The following PCDHA3 variants were observed in gnomAD, a reference collection of about 807,000 sequenced individuals.
The protein encoded by PCDHA3 is protocadherin alpha 3, also known as protocadherin alpha-3.
A neutral mutation model predicts 62.2 loss-of-function variants in PCDHA3; 41 were observed. That is an observed-to-expected ratio of 0.66 (90% CI 0.51 to 0.86). The LOEUF is 0.86. Among genes scored for constraint, PCDHA3 ranks in the 40% least tolerant of loss-of-function variants. The pLI, the probability that PCDHA3 is intolerant of heterozygous loss-of-function variation, is 0.00. For synonymous variants in PCDHA3, 640 were observed against 555.4 expected (o/e 1.15, Z -2.14); for missense variants, 1,304 against 1,241.2 (o/e 1.05, Z -0.76).
chr5:140,985,941 G>T (rs553776294), intron 3 of PCDHA3, among the ~76,000 whole-genome samples: 2 of 151,978 alleles, frequency 1.3e-5, no homozygotes, highest in South Asian at 4.1e-4. Flanking sequence ...GGGTTTCACT[G>T]TGTTAGCCAG....
intron 1 of PCDHA3, 127 bp from the exon 2 acceptor site, chr5:140,978,822 A>G: frequency 6.6e-7 from 1 of 1,521,216 alleles, no homozygotes; most frequent in Non-Finnish European, 8.8e-7. Context: ...GTTACACATG[A>G]AATGGCTCAT....
chr5:140,809,221 C>T, intron 1 of PCDHA3: 1 of 1,614,078 alleles, frequency 6.2e-7, no homozygotes. Context: ...CGCCAAAGGC[C>T]TCCTCACGGG....
At chr5:140,926,371 G>A (rs1220733947) in intron 1 of PCDHA3, 1 of 152,352 alleles carries the variant, frequency 6.6e-6, no homozygotes, top group East Asian at 1.9e-4. Flanking sequence ...GCGGCAGGAA[G>A]AGCCCAGCTG....
intron 1 of PCDHA3, chr5:140,834,783 C>G (rs2150226514): frequency 3.1e-6 from 5 of 1,613,810 alleles, no homozygotes; most frequent in Non-Finnish European, 4.2e-6. Flanking sequence ...TCCGGTGTTC[C>G]CAGCGACACA....
Position 140,978,928 on chromosome 5 carries a change from ACT to A in PCDHA3, c.2395-16_2395-15del. ...CATTGTCTTGTCATTTTAACAGAAA[ACT>A]CTCTTTGTGATTTTGCAGCCACGAC... On this transcript the variant is annotated intron_variant, in intron 1 of 3. Coordinates refer to ENST00000522353, the MANE Select transcript of PCDHA3 (RefSeq NM_018906.3). The A allele has an allele frequency of 6.2e-7, 1 of 1,613,190 alleles. No homozygotes were observed. Among genetic ancestry groups the A allele is most frequent in the Admixed American group, 1.7e-5 (1 of 59,890 alleles).
rs782004703 is a variant in PCDHA3, at chr5:140,807,238, ACTT to A, written c.2394+3653_2394+3655del. 71 of 1,614,010 alleles carry A rather than the reference ACTT, an allele frequency of 4.4e-5. No individual in the cohort carries two copies. In the East Asian group the frequency reaches 7.4e-4, roughly 17 times the overall value. On this transcript the variant is annotated intron_variant, in intron 1 of 3. Coordinates refer to ENST00000522353, the MANE Select transcript of PCDHA3 (RefSeq NM_018906.3). ...AGGAATCCCGGCGTCTGCTGCTCTT[ACTT>A]CTTCTCCTCGCAGCCTGGGAGGCAG... is the stretch of plus-strand genomic sequence containing the variant.
At position 140,802,905 on chromosome 5, in the gene PCDHA3, G is replaced by A. The variant is rs782648396; in HGVS notation, c.1708G>A (p.Val570Met). The change falls in exon 1 of 4, where the codon GTG (valine) becomes ATG (methionine). Residue 570 changes from valine (V) to methionine (M), a missense_variant. Val to Met is a conservative substitution (Grantham distance 21). Transcript: ENST00000522353. ...DNAPALLMPRVGGIGGAVSEL... is the reference protein window; with the variant it reads ...DNAPALLMPRMGGIGGAVSEL... ...CGCGCCGGCACTGCTGATGCCTCGG[G>A]TGGGTGGCATCGGTGGCGCAGTGAG... is the stretch of plus-strand genomic sequence containing the variant. 49 of 1,613,674 alleles carry A rather than the reference G, an allele frequency of 3.0e-5. No individual in the cohort carries two copies. Among genetic ancestry groups the A allele is most frequent in the Admixed American group, 5.0e-5 (3 of 59,992 alleles).
At position 140,832,567 on chromosome 5, in the gene PCDHA3, G is replaced by A. The variant is rs138843846; in HGVS notation, c.2394+28976G>A. 2.6e-5 allele frequency among the ~76,000 whole-genome samples: 4 copies of A among 152,302 alleles called. No individual in the cohort carries two copies. The East Asian group carries it at 7.7e-4, about 29-fold the overall frequency. On this transcript the variant is annotated intron_variant, in intron 1 of 3. Coordinates refer to ENST00000522353, the MANE Select transcript of PCDHA3 (RefSeq NM_018906.3). ...AATGATATCTAACAGCCTCAAAACAGCATACTTTCTTAGGAAGTAGAGAAC... is the reference window on the plus strand; with the variant it reads ...AATGATATCTAACAGCCTCAAAACAACATACTTTCTTAGGAAGTAGAGAAC...
At chr5:140,828,421 G>A (rs2150155146) in intron 1 of PCDHA3, 29 of 1,614,142 alleles carry the variant, frequency 1.8e-5, no homozygotes, top group East Asian at 1.1e-4. Context: ...AGGTGATCGT[G>A]GACAGGCCGC....
intron 1 of PCDHA3, among the ~76,000 whole-genome samples, chr5:140,934,086 G>C (rs540895208): frequency 1.3e-5 from 2 of 151,872 alleles, no homozygotes; most frequent in Admixed American, 1.3e-4. Context: ...TCGCTTTGTT[G>C]TATGTTTGCT....
At chr5:140,927,764 G>T (rs2084612834) in intron 1 of PCDHA3, 1 of 1,614,092 alleles carries the variant, frequency 6.2e-7, no homozygotes. Flanking sequence ...CCTAAAAGTG[G>T]GGAGGTGCAA....
chr5:140,835,540 C>T (rs2150237787), intron 1 of PCDHA3: 1 of 1,613,980 alleles, frequency 6.2e-7, no homozygotes. Context: ...GGACAGGTTA[C>T]CTGCTCCCTG....
rs1775694591 is a variant in PCDHA3 at position 140,838,348 on chromosome 5, T to C, written c.2394+34757T>C. ...CATGTTGCCCCGGCTGGTCTCGAAA[T>C]CTGGGACTCAAGTGATCTGACTGCC... On this transcript the variant is annotated intron_variant, in intron 1 of 3. Coordinates refer to ENST00000522353, the MANE Select transcript of PCDHA3 (RefSeq NM_018906.3). Among the ~76,000 whole-genome samples the C allele has an allele frequency of 1.3e-5, 2 of 150,108 alleles. 1 individual carries two copies. The highest frequency in any genetic ancestry group is 4.9e-5 in the African/African-American group (2 of 40,592).
chr5:140,843,262 G>C (rs2150356218), intron 1 of PCDHA3: 1 of 1,596,090 alleles, frequency 6.3e-7, no homozygotes, highest in South Asian at 1.1e-5. Context: ...GCCACCGTCT[G>C]CTGGTCCTGG....
chr5:140,990,783 G>A (rs932115900), intron 3 of PCDHA3, among the ~76,000 whole-genome samples: 5 of 152,170 alleles, frequency 3.3e-5, no homozygotes, highest in African/African-American at 7.2e-5. Flanking sequence ...TGTGTTGGAC[G>A]ATGAACCATG....
intron 1 of PCDHA3, chr5:140,882,349 T>TC (rs1396642305): frequency 5.0e-6 from 8 of 1,613,872 alleles, no homozygotes; most frequent in Non-Finnish European, 6.8e-6. Context: ...GGGAGACGGG[T>TC]AGTGGCCAGC....
At chr5:140,884,907 C>T (rs1263861482) in intron 1 of PCDHA3, among the ~76,000 whole-genome samples, 2 of 152,148 alleles carry the variant, frequency 1.3e-5, no homozygotes, top group Non-Finnish European at 2.9e-5. Flanking sequence ...CTGTTGTATT[C>T]TTAATAGTTC....
intron 1 of PCDHA3, chr5:140,815,867 A>C (rs1554126905): frequency 6.6e-6 from 1 of 152,114 alleles, no homozygotes; most frequent in African/African-American, 2.4e-5. Flanking sequence ...CTTGGCTGGC[A>C]GTTCTTTTTC....
At chr5:140,904,558 T>C (rs1288543737) in intron 1 of PCDHA3, among the ~76,000 whole-genome samples, 1 of 152,082 alleles carries the variant, frequency 6.6e-6, no homozygotes, top group Non-Finnish European at 1.5e-5. Flanking sequence ...ATAATGACTT[T>C]TTTTTCCTCT....
Sources: allele counts gnomAD v4.1 joint callset (sites outside exome capture counted in the v4.1 genomes callset), GRCh38; gene constraint gnomAD v4.1.1; transcripts MANE v1.5; gene names NCBI Gene and HGNC (gene_info 2026-07-23, HGNC 2026-07-21).